Variants in PPM1E observed in about 807,000 individuals in gnomAD.
PPM1E encodes protein phosphatase, Mg2+/Mn2+ dependent 1E, also known as protein phosphatase 1E.
Under a neutral mutation model 65.9 loss-of-function variants are expected in PPM1E, and 20 were observed. That is an observed-to-expected ratio of 0.30 (90% CI 0.21 to 0.44). The LOEUF (loss-of-function observed/expected upper bound fraction) is 0.44, where lower values mean the gene tolerates loss of function less well. Ranked by LOEUF, PPM1E falls within the 20% of genes least tolerant of loss-of-function variation. The pLI, the probability that PPM1E is intolerant of heterozygous loss-of-function variation, is 1.00. For synonymous variants in PPM1E, 352 were observed against 374.9 expected (o/e 0.94, Z 0.70); for missense variants, 713 against 953.1 (o/e 0.75, Z 3.32).
chr17:58,834,289 T>C (rs1302157204), intron 1 of PPM1E, among the ~76,000 whole-genome samples: 2 of 152,206 alleles, frequency 1.3e-5, no homozygotes, highest in Non-Finnish European at 2.9e-5. Flanking sequence ...TTATTGATTC[T>C]AGATATAAAT....
chr17:58,942,648 A>AT (rs1447873565), intron 1 of PPM1E, among the ~76,000 whole-genome samples: 1 of 152,010 alleles, frequency 6.6e-6, no homozygotes, highest in Non-Finnish European at 1.5e-5. Context: ...GACCACACTG[A>AT]TTTACAACTC....
rs1210068435 is a variant in PPM1E, at chr17:58,856,723, G to A, written c.465-98926G>A. On this transcript the variant is annotated intron_variant, in intron 1 of 6. Transcript: ENST00000308249. Reference sequence around the variant, plus strand: ...GAAAAAGACCATGTGAAGACAGAGGGAAAAGATATCCATTTATAAGCCAAA... The same window carrying A: ...GAAAAAGACCATGTGAAGACAGAGGAAAAAGATATCCATTTATAAGCCAAA... 3.9e-5 allele frequency among the ~76,000 whole-genome samples: 6 copies of A among 152,128 alleles called. No homozygotes were observed. In the East Asian group the frequency reaches 1.2e-3, roughly 29 times the overall value.
Position 58,981,157 on chromosome 17 carries a change from A to G in PPM1E, c.*126A>G. The G allele has an allele frequency of 1.5e-6, 1 of 673,496 alleles. No individual in the cohort carries two copies. The highest frequency in any genetic ancestry group is 2.4e-6 in the Non-Finnish European group (1 of 408,490). The allele number at this position is 673,496 out of a possible 1,614,324, so 41.7% of individuals were successfully genotyped here. On this transcript the variant is annotated 3_prime_UTR_variant, in exon 7 of 7. Transcript: ENST00000308249. Reference sequence around the variant, plus strand: ...AATCCATGGATGGCTCAATTCTTAAATGTAAATAGATCTCTAGGAAACTCA... The same window carrying G: ...AATCCATGGATGGCTCAATTCTTAAGTGTAAATAGATCTCTAGGAAACTCA...
chr17:58,804,528 C>G (rs1194948702), intron 1 of PPM1E, among the ~76,000 whole-genome samples: 1 of 152,064 alleles, frequency 6.6e-6, no homozygotes, highest in Non-Finnish European at 1.5e-5. Flanking sequence ...AGGGGGATGG[C>G]AATTCGAGTG....
At chr17:58,811,784 C>A (rs1463104611) in intron 1 of PPM1E, among the ~76,000 whole-genome samples, 1 of 151,982 alleles carries the variant, frequency 6.6e-6, no homozygotes, top group Non-Finnish European at 1.5e-5. Context: ...AATTCTCCTG[C>A]CTCAGCCTCC....
chr17:58,954,768 C>T (rs564856070), intron 1 of PPM1E, among the ~76,000 whole-genome samples: 6 of 150,834 alleles, frequency 4.0e-5, no homozygotes, highest in African/African-American at 1.5e-4. Context: ...GTCCCAACTA[C>T]TCAGGAGGCT....
chr17:58,867,573 G>A (rs775973766), intron 1 of PPM1E, among the ~76,000 whole-genome samples: 114 of 152,276 alleles, frequency 7.5e-4, no homozygotes, highest in Admixed American at 3.1e-3. Flanking sequence ...GATTTTGACT[G>A]GAGGAGCTAA....
At chr17:58,812,102 G>A (rs914487009) in intron 1 of PPM1E, among the ~76,000 whole-genome samples, 1 of 151,832 alleles carries the variant, frequency 6.6e-6, no homozygotes, top group Non-Finnish European at 1.5e-5. Flanking sequence ...CAGGACAGAT[G>A]TCTCAGAATT....
chr17:58,926,484 T>A (rs1336727488), intron 1 of PPM1E, among the ~76,000 whole-genome samples: 1 of 152,170 alleles, frequency 6.6e-6, no homozygotes, highest in Non-Finnish European at 1.5e-5. Context: ...GTTATATGAA[T>A]CATTTAAAAT....
At chr17:58,840,487 C>T (rs1292937859) in intron 1 of PPM1E, among the ~76,000 whole-genome samples, 1 of 152,178 alleles carries the variant, frequency 6.6e-6, no homozygotes, top group African/African-American at 2.4e-5. Flanking sequence ...ACAAGTATAC[C>T]TAATGCTCAG....
chr17:58,966,418 T>TAAAAAAAA, intron 3 of PPM1E: 1 of 121,918 alleles, frequency 8.2e-6, no homozygotes, highest in Non-Finnish European at 1.5e-5. Flanking sequence ...AGCAGTTTTG[T>TAAAAAAAA]AAAAAAAAAA....
chr17:58,785,340 C>T (rs2050088472), intron 1 of PPM1E: 1 of 147,952 alleles, frequency 6.8e-6, no homozygotes, highest in Non-Finnish European at 1.5e-5. Context: ...GAGTCTCACT[C>T]TGTTGCCCAG....
At chr17:58,816,035 GT>G (rs1244337772) in intron 1 of PPM1E, among the ~76,000 whole-genome samples, 3 of 149,436 alleles carry the variant, frequency 2.0e-5, no homozygotes, top group Non-Finnish European at 1.5e-5. Context: ...CTTTTTTTTT[GT>G]TTTTTTGGAG....
chr17:58,974,261 A>T (rs1172230536), intron 6 of PPM1E, among the ~76,000 whole-genome samples: 1 of 152,196 alleles, frequency 6.6e-6, no homozygotes, highest in Non-Finnish European at 1.5e-5. Context: ...AATTATTTCC[A>T]TGAATTTTAA....
intron 1 of PPM1E, among the ~76,000 whole-genome samples, chr17:58,802,929 G>T (rs949447289): frequency 6.6e-6 from 1 of 151,892 alleles, no homozygotes; most frequent in African/African-American, 2.4e-5. Context: ...CAGTTCTTTT[G>T]TGGAGTCTTT....
chr17:58,826,943 T>C (rs1170566190), intron 1 of PPM1E, among the ~76,000 whole-genome samples: 1 of 151,968 alleles, frequency 6.6e-6, no homozygotes, highest in Non-Finnish European at 1.5e-5. Context: ...AATTTATCTG[T>C]ATGGGTTTTA....
chr17:58,837,524 G>A (rs1232042046), intron 1 of PPM1E, among the ~76,000 whole-genome samples: 1 of 142,298 alleles, frequency 7.0e-6, no homozygotes, highest in East Asian at 2.0e-4. Context: ...TTAAGACAGA[G>A]TCTCACACAG....
chr17:58,954,150 T>C (rs1205747594), intron 1 of PPM1E, among the ~76,000 whole-genome samples: 5 of 152,232 alleles, frequency 3.3e-5, no homozygotes, highest in African/African-American at 1.2e-4. Context: ...CAGGTGATTC[T>C]ACTATTCACC....
At chr17:58,853,896 TG>T (rs2050854882) in intron 1 of PPM1E, among the ~76,000 whole-genome samples, 5 of 152,180 alleles carry the variant, frequency 3.3e-5, no homozygotes, top group Admixed American at 3.3e-4. Context: ...AGGATTATTT[TG>T]GCTATTTGGA....
Sources: gnomAD v4.1 joint callset for allele counts (sites outside exome capture counted in the v4.1 genomes callset) on GRCh38, gnomAD v4.1.1 for gene constraint, MANE v1.5 for transcripts, NCBI Gene and HGNC (gene_info 2026-07-23, HGNC 2026-07-21) for gene names.